GABPB1: variants seen among roughly 807,000 people sequenced by gnomAD.
GABPB1 encodes the protein GA-binding protein subunit beta-1.
Under a neutral mutation model 45.9 loss-of-function variants are expected in GABPB1, and 15 were observed. The ratio of observed to expected loss-of-function variants is 0.33; its 90% CI spans 0.22 to 0.50. The LOEUF is 0.50. Ranked by LOEUF, GABPB1 falls within the 20% of genes least tolerant of loss-of-function variation. GABPB1 has a pLI of 0.98. For synonymous variants in GABPB1, 143 were observed against 154.4 expected (o/e 0.93, Z 0.55); for missense variants, 252 against 457.5 (o/e 0.55, Z 4.10).
chr15:50,336,745 G>A (rs1282235703), intron 1 of GABPB1, among the ~76,000 whole-genome samples: 1 of 151,692 alleles, frequency 6.6e-6, no homozygotes, highest in Non-Finnish European at 1.5e-5. Context: ...TGTCAAGAAT[G>A]CATAAAATAT....
intron 1 of GABPB1, among the ~76,000 whole-genome samples, chr15:50,315,217 G>A (rs754301017): frequency 1.5e-4 from 23 of 151,932 alleles, no homozygotes; most frequent in African/African-American, 4.8e-4. Context: ...CCACAGCCTC[G>A]ACCTCCCAGG....
intron 1 of GABPB1, chr15:50,352,752 G>C (rs2048892816): frequency 6.6e-6 from 1 of 152,174 alleles, no homozygotes; most frequent in Non-Finnish European, 1.5e-5. Context: ...TCCTGTTGAT[G>C]GAACAGTAGA....
At chr15:50,353,812 T>C (rs944240923) in intron 1 of GABPB1, 1 of 152,628 alleles carries the variant, frequency 6.6e-6, no homozygotes, top group Non-Finnish European at 1.5e-5. Context: ...CAATGTACTT[T>C]ACAAGGACCA....
chr15:50,292,459 C>T (rs960239399), intron 6 of GABPB1, among the ~76,000 whole-genome samples: 1 of 151,986 alleles, frequency 6.6e-6, no homozygotes, highest in Non-Finnish European at 1.5e-5. Context: ...AAGTATCCCA[C>T]CAAAGATTAC....
chr15:50,354,598 C>G (rs1595867202), intron 1 of GABPB1: 2 of 446,530 alleles, frequency 4.5e-6, no homozygotes, highest in Non-Finnish European at 8.9e-6. Flanking sequence ...AACCTCCAGT[C>G]GCCCGCAGAA....
chr15:50,326,740 G>A (rs1350354393), intron 1 of GABPB1, among the ~76,000 whole-genome samples: 1 of 152,006 alleles, frequency 6.6e-6, no homozygotes, highest in Non-Finnish European at 1.5e-5. Flanking sequence ...ACGCTGAGGT[G>A]GGAGGACTGC....
At chr15:50,292,122 C>T (rs2046365108) in intron 6 of GABPB1, among the ~76,000 whole-genome samples, 1 of 151,026 alleles carries the variant, frequency 6.6e-6, no homozygotes, top group African/African-American at 2.4e-5. Flanking sequence ...GTCAGGAGAT[C>T]GAGACCACAT....
intron 6 of GABPB1, among the ~76,000 whole-genome samples, chr15:50,294,152 A>T (rs1190919840): frequency 6.6e-6 from 1 of 152,208 alleles, no homozygotes; most frequent in Non-Finnish European, 1.5e-5. Context: ...CAAATGAAAT[A>T]AGGGAAGAAA....
At chr15:50,325,573 C>T (rs1291163951) in intron 1 of GABPB1, among the ~76,000 whole-genome samples, 2 of 152,058 alleles carry the variant, frequency 1.3e-5, no homozygotes, top group Non-Finnish European at 2.9e-5. Context: ...GCTCTGTCGC[C>T]CAAGCTGGAG....
At chr15:50,352,958 GAT>G (rs2048904405) in intron 1 of GABPB1, 1 of 151,374 alleles carries the variant, frequency 6.6e-6, no homozygotes, top group African/African-American at 2.5e-5. Context: ...GAACTCTAAG[GAT>G]ATGTCTCTGC....
At chr15:50,341,345 C>G (rs961631117) in intron 1 of GABPB1, among the ~76,000 whole-genome samples, 3 of 151,998 alleles carry the variant, frequency 2.0e-5, no homozygotes, top group African/African-American at 7.2e-5. Flanking sequence ...CGAGCCTGAC[C>G]AACATGGAGA....
intron 1 of GABPB1, among the ~76,000 whole-genome samples, chr15:50,343,663 C>T (rs1360400517): frequency 2.0e-5 from 3 of 152,050 alleles, no homozygotes; most frequent in Admixed American, 6.6e-5. Flanking sequence ...CTCAGCCTCC[C>T]GAGTGGCTGG....
At position 50,350,989 on chromosome 15, in the gene GABPB1, G is replaced by C. The variant is rs2048797731; in HGVS notation, c.-1+3996C>G. On this transcript the variant is annotated intron_variant, in intron 1 of 8. Transcript: ENST00000380877. ...TTTTTCTCATTTCCATTTCTCTCATGATCAAGGTCCTCGTTTATGCTCTAC... is the reference window on the plus strand; with the variant it reads ...TTTTTCTCATTTCCATTTCTCTCATCATCAAGGTCCTCGTTTATGCTCTAC... The C allele has an allele frequency of 1.3e-5, 2 of 152,066 alleles. 1 individual carries two copies. Among genetic ancestry groups the C allele is most frequent in the South Asian group, 4.2e-4 (2 of 4,816 alleles). 9.4% of individuals were successfully genotyped at this position (152,066 alleles called of 1,614,324 possible).
chr15:50,294,564 AAAT>A (rs1467485326), intron 6 of GABPB1, among the ~76,000 whole-genome samples: 1 of 152,138 alleles, frequency 6.6e-6, no homozygotes, highest in Admixed American at 6.5e-5. Context: ...ATTGAAGAAA[AAAT>A]AAACTTTTCG....
chr15:50,354,725 C>T (rs1418855748), intron 1 of GABPB1: 1 of 312,154 alleles, frequency 3.2e-6, no homozygotes, highest in South Asian at 2.3e-5. Context: ...GCGGCGGCCG[C>T]CACCATGTCT....
rs184691291 is a variant in GABPB1 at position 50,305,971 on chromosome 15, T to G, written c.109-1838A>C. The stretch of plus-strand genomic sequence containing the variant: ...CATGTAGTTTTTGTAGCTTTTTGGG[T>G]TTTTTTTTATTCATTTTTTTAGAGT... On this transcript the variant is annotated intron_variant, in intron 2 of 8. Transcript: ENST00000380877. Among the ~76,000 whole-genome samples, 419 of 151,174 alleles carry G rather than the reference T, an allele frequency of 2.8e-3. 4 individuals carry two copies. The highest frequency in any genetic ancestry group is 8.8e-3 in the African/African-American group (363 of 41,128).
chr15:50,333,755 G>A (rs74245663), intron 1 of GABPB1, among the ~76,000 whole-genome samples: 9,422 of 152,130 alleles, frequency 0.062, 844 homozygotes, highest in African/African-American at 0.2. Context: ...CTAGCCAGGC[G>A]TGGTGGCTCA....
intron 1 of GABPB1, among the ~76,000 whole-genome samples, chr15:50,324,879 T>G (rs1429705421): frequency 6.6e-6 from 1 of 151,878 alleles, no homozygotes; most frequent in Non-Finnish European, 1.5e-5. Context: ...CAAGTTAAGG[T>G]TATAGTACTT....
chr15:50,324,103 T>C (rs147878908), intron 1 of GABPB1, among the ~76,000 whole-genome samples: 2,693 of 151,830 alleles, frequency 0.018, 81 homozygotes, highest in African/African-American at 0.062. Flanking sequence ...CTCAGAAGGC[T>C]GAGATGGGAG....
Sources: allele counts gnomAD v4.1 joint callset (sites outside exome capture counted in the v4.1 genomes callset), GRCh38; gene constraint gnomAD v4.1.1; transcripts MANE v1.5; gene names NCBI Gene and HGNC (gene_info 2026-07-23, HGNC 2026-07-21).